The following PATJ variants were observed in gnomAD, a reference collection of about 807,000 sequenced individuals.
PATJ encodes inaD-like protein.
In PATJ, 190 loss-of-function variants were observed where a neutral mutation model predicts 224.9. The observed-to-expected ratio is 0.84, with a 90% confidence interval of 0.75 to 0.95. The LOEUF (loss-of-function observed/expected upper bound fraction) is 0.95, where lower values mean the gene tolerates loss of function less well. Ranked by LOEUF, PATJ falls within the 40% of genes least tolerant of loss-of-function variation. The probability of loss-of-function intolerance (pLI) is 0.00; values close to 1 mark genes in which losing one functional copy is unlikely to be tolerated. For synonymous variants in PATJ, 769 were observed against 820.3 expected (o/e 0.94, Z 1.07); for missense variants, 2,121 against 2,270.3 (o/e 0.93, Z 1.34).
intron 5 of PATJ, among the ~76,000 whole-genome samples, chr1:61,770,958 T>C (rs902693025): frequency 6.6e-6 from 1 of 151,436 alleles, no homozygotes. Context: ...GTAATCTCTA[T>C]GAATTTTCAA....
intron 34 of PATJ, among the ~76,000 whole-genome samples, chr1:62,112,377 A>G (rs1445497339): frequency 6.6e-6 from 1 of 152,100 alleles, no homozygotes; most frequent in African/African-American, 2.4e-5. Flanking sequence ...GTGGTGGCTG[A>G]TCCCTGTAAT....
At chr1:62,159,626 T>C (rs935219417) in intron 43 of PATJ, among the ~76,000 whole-genome samples, 1 of 149,070 alleles carries the variant, frequency 6.7e-6, no homozygotes, top group Admixed American at 6.8e-5. Context: ...TGGCACTATC[T>C]CAGCTCACTC....
At chr1:61,938,680 T>A (rs1052627288) in intron 27 of PATJ, among the ~76,000 whole-genome samples, 4 of 152,020 alleles carry the variant, frequency 2.6e-5, no homozygotes, top group Non-Finnish European at 5.9e-5. Context: ...TGAGACCTCA[T>A]CTCTGTTAAA....
In PATJ at chr1:62,084,707, T is replaced by C. The variant is rs950714048; in HGVS notation, c.4377+59T>C. 1.7e-5 allele frequency: 27 copies of C among 1,578,120 alleles called. No individual in the cohort carries two copies. The African/African-American group carries it at 2.9e-4, about 17-fold the overall frequency. On this transcript the variant is annotated intron_variant, in intron 33 of 43. Transcript: ENST00000642238. Reference sequence around the variant, plus strand: ...ATAGAACTAGTTGTTGAGGTTAATTTTGGCCCTGCGCCACAACTCTGCAAG... The same window carrying C: ...ATAGAACTAGTTGTTGAGGTTAATTCTGGCCCTGCGCCACAACTCTGCAAG...
chr1:62,071,232 T>C (rs1657338228), intron 31 of PATJ, among the ~76,000 whole-genome samples: 2 of 152,186 alleles, frequency 1.3e-5, no homozygotes, highest in Admixed American at 1.3e-4. Flanking sequence ...TATGGGTGCA[T>C]GTTCTGGGCT....
Position 61,748,246 on chromosome 1 carries a change from C to CTTTTTTTT in PATJ, c.-36+5711_-36+5718dup, listed in dbSNP as rs35918825. On this transcript the variant is annotated intron_variant, in intron 1 of 43. Transcript: ENST00000642238. ...TGCTATGTGTATACTGCCTTAATGC[C>CTTTTTTTT]TTTTTTTTTTTTTTTTTTTTTTTTT... Among the ~76,000 whole-genome samples the CTTTTTTTT allele has an allele frequency of 1.4e-4, 9 of 65,108 alleles. 2 individuals are homozygous for CTTTTTTTT. The highest frequency in any genetic ancestry group is 5.2e-4 in the East Asian group (1 of 1,928). The allele number at this position is 65,108 out of a possible 152,430, so 42.7% of individuals were successfully genotyped here.
chr1:61,852,119 TAAAAA>T (rs3030913), intron 17 of PATJ, among the ~76,000 whole-genome samples: 3 of 108,922 alleles, frequency 2.8e-5, no homozygotes, highest in Admixed American at 2.0e-4. Flanking sequence ...GATTCTGTCT[TAAAAA>T]AAAAAAAAAA....
Position 62,013,305 on chromosome 1 carries a change from C to T in PATJ, c.3868-4551C>T, listed in dbSNP as rs116201370. 2,095 of 973,676 alleles carry T rather than the reference C, an allele frequency of 2.2e-3. 38 individuals are homozygous for T. In the African/African-American group the frequency reaches 0.033, roughly 15 times the overall value. 60.3% of individuals were successfully genotyped at this position (973,676 alleles called of 1,614,324 possible). A position where few individuals can be genotyped will look rare whatever the true frequency, so the allele number is the denominator to read the frequency against. ...CAGTTAGATTTCCTACATGCTCAAG[C>T]GTTTTGCTGATCAAAACCATTTTTT... On this transcript the variant is annotated intron_variant, in intron 28 of 43. Transcript: ENST00000642238.
intron 9 of PATJ, among the ~76,000 whole-genome samples, chr1:61,793,135 G>A (rs557848645): frequency 5.5e-4 from 84 of 152,032 alleles, no homozygotes; most frequent in African/African-American, 1.7e-3. Context: ...GTGCAGTGGC[G>A]TGATCTTGGC....
rs1463331281 is a variant in PATJ at position 61,927,770 on chromosome 1, C to T, written c.3611C>T (p.Pro1204Leu). ...TAPPPMKLPP[P>L]YKALTDDSDE... ...CCACCGCCAATGAAACTTCCTCCTC[C>T]TTATAAAGCTCTGACTGATGACAGT... is the stretch of plus-strand genomic sequence containing the variant. The change falls in exon 27 of 44, where the codon CCT becomes CTT. Residue 1204 changes from proline to leucine, a missense_variant. Coordinates refer to ENST00000642238, the MANE Select transcript of PATJ (RefSeq NM_001350145.3). The T allele has an allele frequency of 1.2e-6, 2 of 1,613,392 alleles. No individual in the cohort carries two copies. The highest frequency in any genetic ancestry group is 1.3e-5 in the African/African-American group (1 of 74,868).
At chr1:62,106,470 C>CA (rs1033244407) in intron 33 of PATJ, among the ~76,000 whole-genome samples, 5 of 150,388 alleles carry the variant, frequency 3.3e-5, no homozygotes, top group African/African-American at 7.4e-5. Flanking sequence ...GATGCAATCT[C>CA]AAAAAAAATT....
intron 36 of PATJ, 33 bp downstream of exon 36, chr1:62,116,712 C>T: frequency 3.8e-6 from 6 of 1,584,870 alleles, no homozygotes; most frequent in African/African-American, 2.7e-5. Flanking sequence ...ACCCAGCTGG[C>T]ACAACTGAAG....
chr1:62,047,041 C>T (rs577859193), intron 30 of PATJ, among the ~76,000 whole-genome samples: 80 of 152,288 alleles, frequency 5.3e-4, no homozygotes, highest in African/African-American at 1.9e-3. Context: ...ATGCATATTG[C>T]TGAGAAATGT....
At chr1:62,147,240 A>C (rs879348608) in intron 41 of PATJ, among the ~76,000 whole-genome samples, 21 of 152,176 alleles carry the variant, frequency 1.4e-4, no homozygotes, top group Non-Finnish European at 2.6e-4. Flanking sequence ...AAAAGATAAG[A>C]AGCTCAAGGA....
chr1:62,052,946 C>A (rs1212653929), intron 31 of PATJ, among the ~76,000 whole-genome samples: 1 of 152,136 alleles, frequency 6.6e-6, no homozygotes, highest in East Asian at 1.9e-4. Context: ...TCTTTTAAAG[C>A]AACAGAATTT....
chr1:61,793,980 G>A (rs12138870), intron 9 of PATJ, among the ~76,000 whole-genome samples: 148,444 of 148,448 alleles, frequency 1, 74,220 homozygotes, highest in Middle Eastern at 1. Flanking sequence ...TCGGCTCACT[G>A]CAACCTCCAT....
rs146423404 is a variant in PATJ, at chr1:61,816,859, A to T, written c.1684-6086A>T. 4.6e-3 allele frequency among the ~76,000 whole-genome samples: 699 copies of T among 152,310 alleles called. 4 individuals carry two copies. Among genetic ancestry groups the T allele is most frequent in the African/African-American group, 0.013 (520 of 41,574 alleles). On this transcript the variant is annotated intron_variant, in intron 14 of 43. Coordinates refer to ENST00000642238, the MANE Select transcript of PATJ (RefSeq NM_001350145.3). Reference sequence around the variant, plus strand: ...GTAGTGCAGGTGGCATATCAGAAACATCCCAGGAGCTCTTTCAAAATACAC... The same window carrying T: ...GTAGTGCAGGTGGCATATCAGAAACTTCCCAGGAGCTCTTTCAAAATACAC...
chr1:62,100,198 G>C, intron 33 of PATJ: 1 of 547,828 alleles, frequency 1.8e-6, no homozygotes, highest in Admixed American at 3.0e-5. Flanking sequence ...TGGGTATTTT[G>C]GTTGTGTGTC....
At chr1:61,785,201 G>T (rs756224848) in intron 7 of PATJ, among the ~76,000 whole-genome samples, 4 of 152,166 alleles carry the variant, frequency 2.6e-5, no homozygotes, top group Non-Finnish European at 5.9e-5. Context: ...GATTAACCCA[G>T]TAGTCATTGC....
Sources: allele counts gnomAD v4.1 joint callset (sites outside exome capture counted in the v4.1 genomes callset), GRCh38; gene constraint gnomAD v4.1.1; transcripts MANE v1.5; gene names NCBI Gene and HGNC (gene_info 2026-07-23, HGNC 2026-07-21).